ARB2A: variants seen among roughly 807,000 people sequenced by gnomAD.
ARB2A encodes the protein ARB2 cotranscriptional regulator A.
At chr5:93,623,285 CT>C in the ARB2A span, among the ~76,000 whole-genome samples, 1 of 151,256 alleles carries the variant, frequency 6.6e-6, no homozygotes, top group Admixed American at 6.6e-5. Flanking sequence ...TTAATTGTCT[CT>C]TTTCGTAACC....
chr5:93,731,860 A>G, the ARB2A span, among the ~76,000 whole-genome samples: 1 of 152,228 alleles, frequency 6.6e-6, no homozygotes, highest in East Asian at 1.9e-4. Flanking sequence ...ATGCAGTGAA[A>G]TCTCAGGAAG....
chr5:93,806,720 A>C, the ARB2A span, among the ~76,000 whole-genome samples: 1 of 151,960 alleles, frequency 6.6e-6, no homozygotes, highest in East Asian at 1.9e-4. Flanking sequence ...TTTAGTATCA[A>C]ATTTTACAAA....
chr5:93,916,652 T>C, the ARB2A span, among the ~76,000 whole-genome samples: 2 of 152,132 alleles, frequency 1.3e-5, no homozygotes, highest in African/African-American at 4.8e-5. Context: ...GAGCATTAGA[T>C]AGCTTATGTA....
chr5:93,829,290 A>G, the ARB2A span, among the ~76,000 whole-genome samples: 1 of 152,048 alleles, frequency 6.6e-6, no homozygotes, highest in East Asian at 1.9e-4. Flanking sequence ...ACTCGAAGTA[A>G]CCTAATTGGG....
chr5:93,823,286 A>C, the ARB2A span, among the ~76,000 whole-genome samples: 3 of 152,186 alleles, frequency 2.0e-5, no homozygotes, highest in African/African-American at 7.2e-5. Context: ...TTGCATCTAA[A>C]ACAGACAGAA....
At chr5:93,901,398 T>C in the ARB2A span, among the ~76,000 whole-genome samples, 4 of 152,146 alleles carry the variant, frequency 2.6e-5, no homozygotes, top group African/African-American at 4.8e-5. Flanking sequence ...AATCAGCATA[T>C]GGCTGAACAG....
the ARB2A span, among the ~76,000 whole-genome samples, chr5:93,846,261 T>C: frequency 6.6e-6 from 1 of 151,964 alleles, no homozygotes; most frequent in African/African-American, 2.4e-5. Flanking sequence ...CCCAGCCCTT[T>C]AGGAGACTGA....
the ARB2A span, among the ~76,000 whole-genome samples, chr5:94,037,079 G>A: frequency 3.3e-5 from 5 of 152,098 alleles, no homozygotes; most frequent in South Asian, 1.0e-3. Flanking sequence ...ATATTTCCAT[G>A]TGTAGTTGGG....
chr5:94,065,107 A>T, the ARB2A span, among the ~76,000 whole-genome samples: 1 of 152,264 alleles, frequency 6.6e-6, no homozygotes, highest in Non-Finnish European at 1.5e-5. Context: ...TTAAACTTTC[A>T]ATAAAAGACA....
At chr5:93,695,685 GTA>G in the ARB2A span, among the ~76,000 whole-genome samples, 1 of 152,092 alleles carries the variant, frequency 6.6e-6, no homozygotes, top group Non-Finnish European at 1.5e-5. Flanking sequence ...TCATTACTGG[GTA>G]TATACCCAAA....
chr5:93,937,279 G>C, the ARB2A span, among the ~76,000 whole-genome samples: 9 of 151,744 alleles, frequency 5.9e-5, no homozygotes, highest in African/African-American at 1.5e-4. Flanking sequence ...CTGTGTGGGT[G>C]GGGGGAGGAG....
chr5:94,098,249 G>A, the ARB2A span, among the ~76,000 whole-genome samples: 5 of 152,138 alleles, frequency 3.3e-5, no homozygotes, highest in Admixed American at 6.5e-5. Flanking sequence ...TGAAGAACCC[G>A]TGGAAGGACT....
At chr5:93,745,500 C>T in the ARB2A span, among the ~76,000 whole-genome samples, 1 of 152,092 alleles carries the variant, frequency 6.6e-6, no homozygotes, top group Non-Finnish European at 1.5e-5. Context: ...TGCGAGTGAT[C>T]TGCCTTTTAT....
chr5:93,925,113 T>C, the ARB2A span, among the ~76,000 whole-genome samples: 1 of 152,112 alleles, frequency 6.6e-6, no homozygotes, highest in East Asian at 1.9e-4. Context: ...CCCCATAGAA[T>C]AATACAGTTT....
the ARB2A span, among the ~76,000 whole-genome samples, chr5:93,647,593 A>G: frequency 6.6e-6 from 1 of 152,140 alleles, no homozygotes; most frequent in Non-Finnish European, 1.5e-5. Flanking sequence ...GCACGATCTC[A>G]GCCCACTGCA....
chr5:93,727,964 T>C, the ARB2A span, among the ~76,000 whole-genome samples: 4 of 152,110 alleles, frequency 2.6e-5, no homozygotes, highest in East Asian at 7.7e-4. Context: ...TATGGACTCA[T>C]TTTAGAAACT....
chr5:93,970,016 A>C, the ARB2A span, among the ~76,000 whole-genome samples: 1 of 152,106 alleles, frequency 6.6e-6, no homozygotes, highest in African/African-American at 2.4e-5. Flanking sequence ...TTAAACACAA[A>C]GTTTATTTTA....
the ARB2A span, among the ~76,000 whole-genome samples, chr5:93,986,289 G>A: frequency 6.6e-6 from 1 of 151,612 alleles, no homozygotes; most frequent in South Asian, 2.1e-4. Context: ...GAGGTGGGGG[G>A]CGCCCCCGCC....
chr5:93,978,007 T>G, the ARB2A span, among the ~76,000 whole-genome samples: 3 of 151,880 alleles, frequency 2.0e-5, no homozygotes, highest in African/African-American at 7.3e-5. Flanking sequence ...CCAACAAACA[T>G]GAAAAAAATG....
Sources: gnomAD v4.1 joint callset for allele counts (sites outside exome capture counted in the v4.1 genomes callset) on GRCh38, gnomAD v4.1.1 for gene constraint, MANE v1.5 for transcripts, NCBI Gene and HGNC (gene_info 2026-07-23, HGNC 2026-07-21) for gene names.